The following ZBED3 variants were observed in gnomAD, a reference collection of about 807,000 sequenced individuals.
ZBED3 encodes zinc finger BED domain-containing protein 3.
For synonymous variants in ZBED3, 175 were observed against 180.0 expected, an observed-to-expected ratio of 0.97 and a Z score of 0.22; for missense variants, 388 against 362.9, an observed-to-expected ratio of 1.07 and a Z score of -0.56.
At position 77,077,414 on chromosome 5, in the gene ZBED3, CA is replaced by C. The variant is rs1432145578; in HGVS notation, c.464del (p.Leu155ArgfsTer45). 8.1e-7 allele frequency: 1 copy of C among 1,239,188 alleles called. No homozygotes were observed. The allele number at this position is 1,239,188 out of a possible 1,614,324, so 76.8% of individuals were successfully genotyped here. ...RRERELERRE[L>X]AVEQGERALE... ...GGGCGCGCTCGCCCTGCTCCACGGCCAGCTCGCGCCGCTCCAGCTCCCGCTC... is the reference window on the plus strand; with the variant it reads ...GGGCGCGCTCGCCCTGCTCCACGGCCGCTCGCGCCGCTCCAGCTCCCGCTC... On this transcript the variant is annotated frameshift_variant, in exon 3 of 3. Coordinates refer to ENST00000255198, the MANE Select transcript of ZBED3 (RefSeq NM_032367.4). LOFTEE classifies it low-confidence loss of function (END_TRUNC).
rs1253547456 is a variant in ZBED3 at position 77,075,985 on chromosome 5, A to G, written c.*1189T>C. 3.3e-3 allele frequency: 114 copies of G among 34,478 alleles called. 19 individuals carry two copies. The highest frequency in any genetic ancestry group is 3.3e-3 in the Non-Finnish European group (58 of 17,636). The allele number at this position is 34,478 out of a possible 1,614,324, so 2.1% of individuals were successfully genotyped here. On this transcript the variant is annotated 3_prime_UTR_variant, in exon 3 of 3. Transcript: ENST00000255198. ...TATATATGTATATGTATATATGTAT[A>G]TATATATGTATATATGTATATATAT... is the stretch of plus-strand genomic sequence containing the variant.
chr5:77,077,330 CCGGCGCGCCTGGGCCG>C lies in ZBED3; in HGVS notation c.533_548del (p.Ala178GlyfsTer17), dbSNP rs1164298427. ...GCGCCTCCCGCTCGGCCTGCAGTTC[CCGGCGCGCCTGGGCCG>C]CGGCGCGCTCTTCCTCCTGCAGCGC... On this transcript the variant is annotated frameshift_variant, in exon 3 of 3. Coordinates refer to ENST00000255198, the MANE Select transcript of ZBED3 (RefSeq NM_032367.4). LOFTEE classifies it low-confidence loss of function (END_TRUNC). 14 of 1,279,538 alleles carry C rather than the reference CCGGCGCGCCTGGGCCG, an allele frequency of 1.1e-5. No individual in the cohort carries two copies. The highest frequency in any genetic ancestry group is 3.2e-5 in the East Asian group (1 of 30,962). 79.3% of individuals were successfully genotyped at this position (1,279,538 alleles called of 1,614,324 possible). A position where few individuals can be genotyped will look rare whatever the true frequency, so the allele number is the denominator to read the frequency against.
intron 2 of ZBED3, 88 bp from the exon 3 acceptor site, chr5:77,077,983 T>C: frequency 1.0e-6 from 1 of 958,776 alleles, no homozygotes; most frequent in Non-Finnish European, 1.3e-6. Flanking sequence ...CATGCCGCCC[T>C]CCATTTTCTT....
intron 1 of ZBED3, chr5:77,079,502 A>G (rs1282247007): frequency 6.6e-6 from 1 of 152,204 alleles, no homozygotes; most frequent in Non-Finnish European, 1.5e-5. Context: ...TTCTAAACCT[A>G]AGTATTCTTT....
At chr5:77,079,580 C>T (rs926422059) in intron 1 of ZBED3, among the ~76,000 whole-genome samples, 1 of 152,122 alleles carries the variant, frequency 6.6e-6, no homozygotes, top group African/African-American at 2.4e-5. Context: ...AAAAAGATAA[C>T]AAATATACCA....
chr5:77,081,396 G>T (rs1366700645), intron 1 of ZBED3, among the ~76,000 whole-genome samples: 1 of 150,748 alleles, frequency 6.6e-6, no homozygotes, highest in African/African-American at 2.4e-5. Flanking sequence ...ACCCAGGCTG[G>T]AGTGCAGTGG....
In ZBED3 at chr5:77,075,961, A is replaced by ATATATG. The variant is rs1255014938; in HGVS notation, c.*1207_*1212dup. Reference sequence around the variant, plus strand: ...TATATATACATATATATATATATATATATATGTATATGTATATATGTATAT... The same window carrying ATATATG: ...TATATATACATATATATATATATATATATATGTATATGTATATGTATATATGTATAT... On this transcript the variant is annotated 3_prime_UTR_variant, in exon 3 of 3. Coordinates refer to ENST00000255198, the MANE Select transcript of ZBED3 (RefSeq NM_032367.4). The ATATATG allele has an allele frequency of 3.4e-5, 1 of 29,810 alleles. No individual in the cohort carries two copies. The highest frequency in any genetic ancestry group is 5.0e-4 in the East Asian group (1 of 2,010). 1.8% of individuals were successfully genotyped at this position (29,810 alleles called of 1,614,324 possible). A position where few individuals can be genotyped will look rare whatever the true frequency, so the allele number is the denominator to read the frequency against.
chr5:77,077,927 T>C, intron 2 of ZBED3, 32 bp from the exon 3 acceptor site: 2 of 1,230,436 alleles, frequency 1.6e-6, no homozygotes, highest in South Asian at 3.6e-5. Flanking sequence ...ATAATGAGTG[T>C]TAGGATCACG....
In ZBED3 at chr5:77,074,438, C is replaced by T. The variant is rs937561482; in HGVS notation, c.*2736G>A. The T allele has an allele frequency of 6.6e-6, 1 of 152,220 alleles. No homozygotes were observed. Among genetic ancestry groups the T allele is most frequent in the Admixed American group, 6.5e-5 (1 of 15,286 alleles). The allele number at this position is 152,220 out of a possible 1,614,324, so 9.4% of individuals were successfully genotyped here. ...TTTTGTAGAAATAGACTTAGCAGAG[C>T]AGGCGCCCAGCATTCAGCGAGACCA... On this transcript the variant is annotated 3_prime_UTR_variant, in exon 3 of 3. Transcript: ENST00000255198.
chr5:77,077,874 C>A lies in ZBED3; in HGVS notation c.5G>T (p.Arg2Met). The A allele has an allele frequency of 8.0e-7, 1 of 1,257,300 alleles. No individual in the cohort carries two copies. The allele number at this position is 1,257,300 out of a possible 1,614,324, so 77.9% of individuals were successfully genotyped here. A position where few individuals can be genotyped will look rare whatever the true frequency, so the allele number is the denominator to read the frequency against. M[R>M]SGEPACTMDQ... ...CATGGTGCAGGCCGGCTCGCCACTC[C>A]TCATTCTGCGGCGCCCGCACGCTGG... The change falls in exon 3 of 3, where the codon AGG becomes ATG. Residue 2 changes from arginine (R) to methionine (M), a missense_variant. By Grantham distance (91) the Arg-to-Met change is moderately conservative. Coordinates refer to ENST00000255198, the MANE Select transcript of ZBED3 (RefSeq NM_032367.4).
intron 1 of ZBED3, among the ~76,000 whole-genome samples, chr5:77,085,060 A>C (rs1743210553): frequency 6.6e-6 from 1 of 152,210 alleles, no homozygotes; most frequent in Admixed American, 6.5e-5. Context: ...GTTTCATTTG[A>C]GTATCCATTA....
rs1223208497 is a variant in ZBED3, at chr5:77,077,595, C to T, written c.284G>A (p.Ser95Asn). 30 of 1,366,578 alleles carry T rather than the reference C, an allele frequency of 2.2e-5. No homozygotes were observed. Among genetic ancestry groups the T allele is most frequent in the Non-Finnish European group, 2.6e-5 (28 of 1,057,554 alleles). 84.7% of individuals were successfully genotyped at this position (1,366,578 alleles called of 1,614,324 possible). ...GCTCTCCAGCTCCCGCCGGTGCGCG[C>T]TCCTCAGGTGCCTCCACAACGCCGA... ...GTSALWRHLR[S>N]AHRRELESSG... Residue 95 changes from serine to asparagine, a missense_variant, in exon 3 of 3, where the codon AGC (serine) becomes AAC (asparagine). Coordinates refer to ENST00000255198, the MANE Select transcript of ZBED3 (RefSeq NM_032367.4).
chr5:77,074,032 G>A lies in ZBED3; in HGVS notation c.*3142C>T, dbSNP rs972709422. 1.3e-5 allele frequency: 2 copies of A among 152,336 alleles called. No homozygotes were observed. The highest frequency in any genetic ancestry group is 1.9e-4 in the East Asian group (1 of 5,190). The allele number at this position is 152,336 out of a possible 1,614,324, so 9.4% of individuals were successfully genotyped here. A position where few individuals can be genotyped will look rare whatever the true frequency, so the allele number is the denominator to read the frequency against. On this transcript the variant is annotated 3_prime_UTR_variant, in exon 3 of 3. Coordinates refer to ENST00000255198, the MANE Select transcript of ZBED3 (RefSeq NM_032367.4). The stretch of plus-strand genomic sequence containing the variant: ...ACATGTGTGGGATGTTTTTTGTATC[G>A]AGACTGAAGAGGCTTTTTAAAGTGG...
In ZBED3 at chr5:77,077,760, C is replaced by G; in HGVS notation, c.119G>C (p.Arg40Pro). ...GPAPTPTPPG[R>P]LGAPYSEAWG... is the part of the protein sequence containing the mutation. ...GGCCTCGGAGTATGGCGCCCCCAGGCGGCCGGGAGGCGTCGGCGTCGGCGC... is the reference window on the plus strand; with the variant it reads ...GGCCTCGGAGTATGGCGCCCCCAGGGGGCCGGGAGGCGTCGGCGTCGGCGC... The change falls in exon 3 of 3, where the codon CGC becomes CCC. Residue 40 changes from arginine to proline, a missense_variant. Transcript: ENST00000255198. 7.6e-7 allele frequency: 1 copy of G among 1,318,034 alleles called. No individual in the cohort carries two copies. 81.6% of individuals were successfully genotyped at this position (1,318,034 alleles called of 1,614,324 possible).
rs1348870196 is a variant in ZBED3 at position 77,077,460 on chromosome 5, GCCAGCGCGCCCATCTGTT to G, written c.401_418del (p.Glu134_Leu139del). The stretch of plus-strand genomic sequence containing the variant: ...CCGCTCCCGCCGGCTGCCGCGCACG[GCCAGCGCGCCCATCTGTT>G]CCAGCAGGCGCGCCCAGTCGCCCTC... On this transcript the variant is annotated inframe_deletion, in exon 3 of 3. Coordinates refer to ENST00000255198, the MANE Select transcript of ZBED3 (RefSeq NM_032367.4). 1 of 1,207,008 alleles carries G rather than the reference GCCAGCGCGCCCATCTGTT, an allele frequency of 8.3e-7. No homozygotes were observed. The highest frequency in any genetic ancestry group is 4.2e-5 in the Admixed American group (1 of 24,072). 74.8% of individuals were successfully genotyped at this position (1,207,008 alleles called of 1,614,324 possible). A position where few individuals can be genotyped will look rare whatever the true frequency, so the allele number is the denominator to read the frequency against.
At chr5:77,082,391 T>C (rs1561299313) in intron 1 of ZBED3, among the ~76,000 whole-genome samples, 1 of 151,860 alleles carries the variant, frequency 6.6e-6, no homozygotes, top group East Asian at 1.9e-4. Flanking sequence ...AGAATCTACA[T>C]CAGAATCATG....
chr5:77,083,210 C>T (rs928918416), intron 1 of ZBED3, among the ~76,000 whole-genome samples: 2 of 152,218 alleles, frequency 1.3e-5, no homozygotes, highest in Non-Finnish European at 2.9e-5. Context: ...CAGGCAGGGC[C>T]AGCCCAGCCT....
rs1380894446 is a variant in ZBED3, at chr5:77,075,969, A to ATATATATG, written c.*1204_*1205insCATATATA. ...CATATATATATATATATATATATGT[A>ATATATATG]TATGTATATATGTATATATATATGT... On this transcript the variant is annotated 3_prime_UTR_variant, in exon 3 of 3. Coordinates refer to ENST00000255198, the MANE Select transcript of ZBED3 (RefSeq NM_032367.4). 264 of 20,138 alleles carry ATATATATG rather than the reference A, an allele frequency of 0.013. 53 individuals are homozygous for ATATATATG. Among genetic ancestry groups the ATATATATG allele is most frequent in the Middle Eastern group, 0.058 (3 of 52 alleles). The allele number at this position is 20,138 out of a possible 1,614,324, so 1.2% of individuals were successfully genotyped here.
In ZBED3 at chr5:77,075,404, T is replaced by C. The variant is rs1742955064; in HGVS notation, c.*1770A>G. The C allele has an allele frequency of 1.3e-5, 2 of 152,160 alleles. No homozygotes were observed. The highest frequency in any genetic ancestry group is 2.9e-5 in the Non-Finnish European group (2 of 68,022). The allele number at this position is 152,160 out of a possible 1,614,324, so 9.4% of individuals were successfully genotyped here. ...TTAAAGACAAACATTCTGGAGACAATTGTTGAATACTGATTAAGGGCTCTG... is the reference window on the plus strand; with the variant it reads ...TTAAAGACAAACATTCTGGAGACAACTGTTGAATACTGATTAAGGGCTCTG... On this transcript the variant is annotated 3_prime_UTR_variant, in exon 3 of 3. Coordinates refer to ENST00000255198, the MANE Select transcript of ZBED3 (RefSeq NM_032367.4).
Sources: allele counts gnomAD v4.1 joint callset (sites outside exome capture counted in the v4.1 genomes callset), GRCh38; gene constraint gnomAD v4.1.1; transcripts MANE v1.5; gene names NCBI Gene and HGNC (gene_info 2026-07-23, HGNC 2026-07-21).